The following CCDC91 variants were observed in gnomAD, a reference collection of about 807,000 sequenced individuals.
CCDC91 encodes the protein coiled-coil domain containing 91, also known as coiled-coil domain-containing protein 91.
In CCDC91, 48 loss-of-function variants were observed where a neutral mutation model predicts 63.2. The ratio of observed to expected loss-of-function variants is 0.76; its 90% confidence interval spans 0.60 to 0.97. The LOEUF is 0.97. CCDC91 is among the 50% of genes least tolerant of loss of function. The probability of loss-of-function intolerance (pLI) is 0.00; values close to 1 mark genes in which losing one functional copy is unlikely to be tolerated. For missense variants in CCDC91, 500 were observed against 494.6 expected (o/e 1.01, Z -0.10); for synonymous variants, 167 against 165.8 (o/e 1.01, Z -0.06).
intron 11 of CCDC91, among the ~76,000 whole-genome samples, chr12:28,454,149 T>C (rs1173916392): frequency 6.6e-6 from 1 of 152,184 alleles, no homozygotes; most frequent in African/African-American, 2.4e-5. Flanking sequence ...TTAAATTATA[T>C]ATCTCTGTAT....
chr12:28,365,243 C>A (rs1384510050), intron 7 of CCDC91, among the ~76,000 whole-genome samples: 1 of 152,116 alleles, frequency 6.6e-6, no homozygotes, highest in Non-Finnish European at 1.5e-5. Flanking sequence ...AACCAAATTT[C>A]TTCAAAATGC....
chr12:28,515,557 A>C (rs1389790133), intron 12 of CCDC91, among the ~76,000 whole-genome samples: 1 of 151,932 alleles, frequency 6.6e-6, no homozygotes, highest in Non-Finnish European at 1.5e-5. Flanking sequence ...TAAGAAAAGA[A>C]AACATTCTTG....
At chr12:28,366,449 A>G (rs1258097187) in intron 7 of CCDC91, among the ~76,000 whole-genome samples, 1 of 152,200 alleles carries the variant, frequency 6.6e-6, no homozygotes, top group Non-Finnish European at 1.5e-5. Context: ...TACTTCCACC[A>G]AGTACCATAG....
At position 28,450,417 on chromosome 12, in the gene CCDC91, A is replaced by G. The variant is rs1213329188; in HGVS notation, c.923A>G (p.Lys308Arg). 6.2e-7 allele frequency: 1 copy of G among 1,609,126 alleles called. No homozygotes were observed. Among genetic ancestry groups the G allele is most frequent in the Admixed American group, 1.7e-5 (1 of 59,966 alleles). Residue 308 changes from lysine to arginine, a missense_variant and splice_region_variant, in exon 10 of 13, where the codon AAG becomes AGG. Lys to Arg is a conservative substitution (Grantham distance 26, BLOSUM62 2). Transcript: ENST00000536442. ...RNKEALVSAAKLEKEAVKDAV... is the reference protein window; with the variant it reads ...RNKEALVSAARLEKEAVKDAV... ...AAAGAGGCATTAGTATCCGCTGCAA[A>G]GGTATTTCCATCTGTAATAGTGGGT...
intron 3 of CCDC91, among the ~76,000 whole-genome samples, chr12:28,299,515 C>T (rs906932704): frequency 1.3e-5 from 2 of 151,608 alleles, no homozygotes; most frequent in African/African-American, 4.8e-5. Context: ...TAGGATTTCT[C>T]ATTCCCCTGC....
chr12:28,328,370 A>G (rs897191950), intron 6 of CCDC91, among the ~76,000 whole-genome samples: 1 of 152,168 alleles, frequency 6.6e-6, no homozygotes, highest in African/African-American at 2.4e-5. Flanking sequence ...AAAACTATAA[A>G]TTAAAAAAAA....
chr12:28,329,835 A>G (rs1018337314), intron 6 of CCDC91, among the ~76,000 whole-genome samples: 1 of 152,078 alleles, frequency 6.6e-6, no homozygotes, highest in African/African-American at 2.4e-5. Flanking sequence ...CTCATTGTTC[A>G]GTTCCCACCT....
intron 1 of CCDC91, among the ~76,000 whole-genome samples, chr12:28,253,077 A>C (rs1038916016): frequency 1.3e-5 from 2 of 152,120 alleles, no homozygotes; most frequent in Non-Finnish European, 2.9e-5. Context: ...TTTAACCTTT[A>C]TGCTGTTCTG....
chr12:28,200,980 G>T (rs1942216183), intron 1 of CCDC91, among the ~76,000 whole-genome samples: 1 of 140,182 alleles, frequency 7.1e-6, no homozygotes, highest in Non-Finnish European at 1.5e-5. Flanking sequence ...CTCCCGGACG[G>T]GGCGGCTGGC....
chr12:28,217,073 C>T (rs1463406777), intron 1 of CCDC91, among the ~76,000 whole-genome samples: 1 of 152,060 alleles, frequency 6.6e-6, no homozygotes, highest in African/African-American at 2.4e-5. Context: ...CCCTGTTACC[C>T]ATAGTGTACA....
At chr12:28,365,632 C>T (rs1043786200) in intron 7 of CCDC91, among the ~76,000 whole-genome samples, 1 of 152,150 alleles carries the variant, frequency 6.6e-6, no homozygotes, top group Admixed American at 6.5e-5. Context: ...TATTCATTAT[C>T]TTCTTTATAC....
intron 1 of CCDC91, among the ~76,000 whole-genome samples, chr12:28,239,184 A>G (rs1286935015): frequency 6.6e-6 from 1 of 152,014 alleles, no homozygotes; most frequent in Non-Finnish European, 1.5e-5. Flanking sequence ...ACCATTATAT[A>G]TGTAGACATA....
At chr12:28,343,227 C>T (rs1942570117) in intron 6 of CCDC91, among the ~76,000 whole-genome samples, 2 of 150,572 alleles carry the variant, frequency 1.3e-5, no homozygotes, top group East Asian at 1.9e-4. Flanking sequence ...TATTCAAATA[C>T]ATATACAACC....
At chr12:28,249,354 G>C (rs1945969466) in intron 1 of CCDC91, among the ~76,000 whole-genome samples, 1 of 152,114 alleles carries the variant, frequency 6.6e-6, no homozygotes, top group Non-Finnish European at 1.5e-5. Flanking sequence ...AACCACTCTG[G>C]ATTCTGAATC....
At chr12:28,382,027 A>G (rs901885692) in intron 7 of CCDC91, among the ~76,000 whole-genome samples, 1 of 152,090 alleles carries the variant, frequency 6.6e-6, no homozygotes, top group Admixed American at 6.6e-5. Flanking sequence ...TCAGGTACCA[A>G]TGGTAACTTT....
In CCDC91 at chr12:28,348,041, TATTAC is replaced by T. The variant is rs1362284925; in HGVS notation, c.577-14391_577-14387del. Among the ~76,000 whole-genome samples the T allele has an allele frequency of 2.6e-5, 4 of 152,352 alleles. No homozygotes were observed. The East Asian group carries it at 7.7e-4, about 29-fold the overall frequency. ...CTGCCCATCTACTTCTCTATCAGAC[TATTAC>T]ATTACTCTAAGGAGGCCATCTCTCT... On this transcript the variant is annotated intron_variant, in intron 6 of 12. Transcript: ENST00000536442.
At chr12:28,294,878 C>T (rs1331298689) in intron 3 of CCDC91, among the ~76,000 whole-genome samples, 4 of 152,156 alleles carry the variant, frequency 2.6e-5, no homozygotes, top group Non-Finnish European at 5.9e-5. Context: ...AGCTACTACG[C>T]TTGACCTAAA....
chr12:28,251,577 T>G (rs1946118420), intron 1 of CCDC91, among the ~76,000 whole-genome samples: 1 of 152,022 alleles, frequency 6.6e-6, no homozygotes, highest in Admixed American at 6.6e-5. Context: ...AAAATTGTAA[T>G]AAGGCTTGCT....
At chr12:28,402,872 G>A (rs1008760368) in intron 8 of CCDC91, among the ~76,000 whole-genome samples, 6 of 152,020 alleles carry the variant, frequency 3.9e-5, no homozygotes, top group Admixed American at 6.6e-5. Flanking sequence ...TTGGATTTTT[G>A]TAAAGTGCTT....
Sources: allele counts gnomAD v4.1 joint callset (sites outside exome capture counted in the v4.1 genomes callset), GRCh38; gene constraint gnomAD v4.1.1; transcripts MANE v1.5; gene names NCBI Gene and HGNC (gene_info 2026-07-23, HGNC 2026-07-21).